DGKG: variants seen among roughly 807,000 people sequenced by gnomAD.
The protein encoded by DGKG is DAG kinase gamma.
Under a neutral mutation model 105.3 loss-of-function variants are expected in DGKG, and 78 were observed. The ratio of observed to expected loss-of-function variants is 0.74; its 90% CI spans 0.62 to 0.89. DGKG has a LOEUF of 0.89. DGKG is among the 40% of genes least tolerant of loss of function. DGKG has a pLI of 0.00. For missense variants in DGKG, 958 were observed against 1,020.1 expected (o/e 0.94, Z 0.83); for synonymous variants, 346 against 367.1 (o/e 0.94, Z 0.66).
rs1325500779 is a variant in DGKG, at chr3:186,261,923, G to T, written c.1270-145C>A. The stretch of plus-strand genomic sequence containing the variant: ...GTGTTTTTCCACTGGCTGAATTTTC[G>T]GAGGGGCTAAGTAGCTAAGTGTCTC... On this transcript the variant is annotated intron_variant, in intron 14 of 24. Transcript: ENST00000265022. The T allele has an allele frequency of 1.9e-5, 11 of 585,748 alleles. 1 individual carries two copies. In the East Asian group the frequency reaches 3.0e-4, roughly 16 times the overall value. The allele number at this position is 585,748 out of a possible 1,614,324, so 36.3% of individuals were successfully genotyped here. A position where few individuals can be genotyped will look rare whatever the true frequency, so the allele number is the denominator to read the frequency against.
chr3:186,315,542 G>T (rs564719545), intron 2 of DGKG, among the ~76,000 whole-genome samples: 1 of 152,074 alleles, frequency 6.6e-6, no homozygotes. Flanking sequence ...GAGGTCTGAC[G>T]GTCTATCAGG....
intron 22 of DGKG, among the ~76,000 whole-genome samples, chr3:186,167,660 G>A (rs1003734396): frequency 6.6e-5 from 10 of 152,160 alleles, no homozygotes; most frequent in African/African-American, 2.4e-4. Flanking sequence ...ATGATTCAGG[G>A]TGTGATTTTG....
At chr3:186,217,590 AAAAAATGAGACTAACT>A (rs1416447896) in intron 20 of DGKG, among the ~76,000 whole-genome samples, 1 of 152,262 alleles carries the variant, frequency 6.6e-6, no homozygotes, top group African/African-American at 2.4e-5. Flanking sequence ...CAGATGAGAG[AAAAAATGAGACTAACT>A]AAAAATGTTC....
Position 186,226,285 on chromosome 3 carries a change from ATCAGCTG to A in DGKG, c.1827-14407_1827-14401del, listed in dbSNP as rs1472730723. Among the ~76,000 whole-genome samples the A allele has an allele frequency of 1.3e-5, 2 of 152,192 alleles. No homozygotes were observed. Among genetic ancestry groups the A allele is most frequent in the Non-Finnish European group, 2.9e-5 (2 of 68,036 alleles). Reference sequence around the variant, plus strand: ...CTTCAAATTTCTTCTTTTCTAACCCATCAGCTGTTAACCATTTCATTTTTCTTTAGTG... The same window carrying A: ...CTTCAAATTTCTTCTTTTCTAACCCATTAACCATTTCATTTTTCTTTAGTG... On this transcript the variant is annotated intron_variant, in intron 20 of 24. Transcript: ENST00000265022. This position sits in a 1 kb window ranked among gnomAD's most constrained non-coding sequence, Gnocchi z 4.2.
rs538384509 is a variant in DGKG at position 186,157,631 on chromosome 3, G to A, written c.2277+3972C>T. On this transcript the variant is annotated intron_variant, in intron 24 of 24. Transcript: ENST00000265022. ...TTGAAATAATTTAGTTTCATTAATG[G>A]TTACCAGGATTTTCATTCATCTTCT... 3.3e-5 allele frequency among the ~76,000 whole-genome samples: 5 copies of A among 152,176 alleles called. No homozygotes were observed. In the East Asian group the frequency reaches 5.8e-4, roughly 18 times the overall value.
chr3:186,183,002 T>A (rs1717431425), intron 22 of DGKG, among the ~76,000 whole-genome samples: 1 of 152,212 alleles, frequency 6.6e-6, no homozygotes, highest in African/African-American at 2.4e-5. Flanking sequence ...CAAAATTAAG[T>A]GCTCAGGGAA....
intron 20 of DGKG, 21 bp downstream of exon 20, chr3:186,242,483 G>GA (rs1560110809): frequency 6.2e-7 from 1 of 1,604,078 alleles, no homozygotes. Context: ...GGGTGGCAGC[G>GA]CAGCCGGGCC....
At chr3:186,329,113 C>T (rs967708533) in intron 1 of DGKG, among the ~76,000 whole-genome samples, 2 of 152,234 alleles carry the variant, frequency 1.3e-5, no homozygotes, top group African/African-American at 4.8e-5. Flanking sequence ...CTTATTACCA[C>T]CCCAAGCATC....
chr3:186,211,095 A>C (rs1296898205), intron 21 of DGKG, among the ~76,000 whole-genome samples: 1 of 152,238 alleles, frequency 6.6e-6, no homozygotes, highest in South Asian at 2.1e-4. Context: ...GGCCCCTACA[A>C]GTGCCGGAAG....
chr3:186,353,685 T>TATCTATATCTATATCTAC (rs1726761515), intron 1 of DGKG, among the ~76,000 whole-genome samples: 1 of 138,970 alleles, frequency 7.2e-6, no homozygotes, highest in African/African-American at 2.9e-5. Context: ...TCTATATCTA[T>TATCTATATCTATATCTAC]ATCTATATCT....
chr3:186,159,380 A>C (rs936379241), intron 24 of DGKG: 1 of 152,258 alleles, frequency 6.6e-6, no homozygotes, highest in African/African-American at 2.4e-5. Context: ...AACTTCACAT[A>C]TCTTTACTAT....
Position 186,161,788 on chromosome 3 carries a change from T to G in DGKG, c.2217-125A>C, listed in dbSNP as rs1578605365. On this transcript the variant is annotated intron_variant, in intron 23 of 24. Coordinates refer to ENST00000265022, the MANE Select transcript of DGKG (RefSeq NM_001346.3). ...CTACCTAAGTGTGGTTCTCTAAGAC[T>G]CTTTTGGAGAACTTGTTAAAAATAG... 1.2e-5 allele frequency: 17 copies of G among 1,419,072 alleles called. No homozygotes were observed. The East Asian group carries it at 1.7e-4, about 14-fold the overall frequency. The allele number at this position is 1,419,072 out of a possible 1,614,324, so 87.9% of individuals were successfully genotyped here.
intron 5 of DGKG, among the ~76,000 whole-genome samples, chr3:186,295,466 C>T (rs1723504710): frequency 6.6e-6 from 1 of 151,456 alleles, no homozygotes; most frequent in Non-Finnish European, 1.5e-5. Context: ...TGTGCCACTG[C>T]ACTTCAGCCT....
chr3:186,260,468 G>A lies in DGKG; in HGVS notation c.1395C>T (p.Phe465=), dbSNP rs755845295. Residue 465 remains phenylalanine (F), a synonymous_variant, in exon 16 of 25, where the codon TTC becomes TTT. Coordinates refer to ENST00000265022, the MANE Select transcript of DGKG (RefSeq NM_001346.3). ...FHYLLNPKQV[F]NLDNGGPTPG... ...GAGTAGGCCCCCCATTGTCCAGGTTGAAAACTTGTTTGGGGTTGAGCAGAT... is the reference window on the plus strand; with the variant it reads ...GAGTAGGCCCCCCATTGTCCAGGTTAAAAACTTGTTTGGGGTTGAGCAGAT... 2 of 1,613,704 alleles carry A rather than the reference G, an allele frequency of 1.2e-6. No individual in the cohort carries two copies. The highest frequency in any genetic ancestry group is 1.7e-5 in the Admixed American group (1 of 60,016).
intron 1 of DGKG, among the ~76,000 whole-genome samples, chr3:186,335,157 C>T (rs147038050): frequency 3.9e-5 from 6 of 152,238 alleles, no homozygotes; most frequent in East Asian, 1.9e-4. Context: ...CTGCAACCTT[C>T]GCCTCCTGGA....
At chr3:186,357,438 G>T (rs551006150) in intron 1 of DGKG, among the ~76,000 whole-genome samples, 4 of 151,224 alleles carry the variant, frequency 2.6e-5, no homozygotes, top group African/African-American at 9.9e-5. Flanking sequence ...GATAAATAAA[G>T]AGAAAAGGCT....
chr3:186,266,862 G>T (rs1041773721), intron 13 of DGKG, among the ~76,000 whole-genome samples: 1 of 152,192 alleles, frequency 6.6e-6, no homozygotes, highest in Non-Finnish European at 1.5e-5. Flanking sequence ...CTCCCAAAGT[G>T]CCGGGATTAC....
At chr3:186,235,921 T>A (rs1206043634) in intron 20 of DGKG, among the ~76,000 whole-genome samples, 1 of 152,182 alleles carries the variant, frequency 6.6e-6, no homozygotes, top group African/African-American at 2.4e-5. Flanking sequence ...AGGGAGCACA[T>A]GGAATCTGTC....
intron 1 of DGKG, among the ~76,000 whole-genome samples, chr3:186,339,152 G>C (rs1008800326): frequency 1.3e-5 from 2 of 152,090 alleles, no homozygotes; most frequent in African/African-American, 2.4e-5. Context: ...ATGTTCAATG[G>C]GCAATTATGC....
Sources: allele counts gnomAD v4.1 joint callset (sites outside exome capture counted in the v4.1 genomes callset), GRCh38; gene constraint gnomAD v4.1.1; non-coding constraint Gnocchi (gnomAD v3.1); transcripts MANE v1.5; gene names NCBI Gene and HGNC (gene_info 2026-07-23, HGNC 2026-07-21).